Variants in TEX9 observed in about 807,000 individuals in gnomAD.
TEX9 encodes testis expressed 9.
In TEX9, 74 loss-of-function variants were observed where a neutral mutation model predicts 59.6. The observed-to-expected ratio is 1.24, with a 90% CI of 1.03 to 1.51. The LOEUF (loss-of-function observed/expected upper bound fraction) is 1.51, where lower values mean the gene tolerates loss of function less well. Among genes scored for constraint, TEX9 ranks in the 40% most tolerant of loss-of-function variants. The pLI is 0.00. For missense variants in TEX9, 522 were observed against 447.8 expected (o/e 1.17, Z -1.49); for synonymous variants, 186 against 152.2 (o/e 1.22, Z -1.64).
intron 6 of TEX9, among the ~76,000 whole-genome samples, chr15:56,389,704 T>C (rs2048118348): frequency 6.6e-6 from 1 of 151,978 alleles, no homozygotes; most frequent in African/African-American, 2.4e-5. Flanking sequence ...GGTTTTTTTT[T>C]TAATCTCTGC....
At chr15:56,351,391 T>C (rs981246140) in intron 1 of TEX9, among the ~76,000 whole-genome samples, 14 of 152,216 alleles carry the variant, frequency 9.2e-5, no homozygotes, top group African/African-American at 3.1e-4. Context: ...CATCCTCCTT[T>C]AAAGAAGATA....
upstream of TEX9, chr15:56,365,349 G>A (rs1486567738): frequency 2.1e-6 from 3 of 1,455,424 alleles, no homozygotes; most frequent in Non-Finnish European, 2.7e-6. Context: ...CAGAACCTGA[G>A]AGTGGGAAGG....
intron 12 of TEX9, chr15:56,444,467 C>A (rs757852998): frequency 6.2e-7 from 1 of 1,607,458 alleles, no homozygotes; most frequent in Non-Finnish European, 8.5e-7. Flanking sequence ...CATAGATCTT[C>A]CTAACAATTT....
intron 1 of TEX9, among the ~76,000 whole-genome samples, chr15:56,262,396 A>G (rs76175805): frequency 1.3e-5 from 2 of 152,270 alleles, no homozygotes; most frequent in East Asian, 3.9e-4. Flanking sequence ...ATTTCCAGAC[A>G]TTTTCAGATC....
chr15:56,354,487 G>T, intron 1 of TEX9, among the ~76,000 whole-genome samples: 1 of 152,258 alleles, frequency 6.6e-6, no homozygotes, highest in African/African-American at 2.4e-5. Flanking sequence ...AAAGAATGTT[G>T]TGTTAGTTAT....
chr15:56,274,545 T>G (rs1243002739), intron 1 of TEX9: 3 of 152,194 alleles, frequency 2.0e-5, no homozygotes, highest in Non-Finnish European at 4.4e-5. Flanking sequence ...AATGAAATGC[T>G]TCATGAATTT....
chr15:56,394,470 C>T (rs1206734646), intron 8 of TEX9, 191 bp from the exon 9 acceptor site: 4 of 624,300 alleles, frequency 6.4e-6, no homozygotes, highest in Non-Finnish European at 1.1e-5. Context: ...ATTAGTCTTA[C>T]AAATGTAGTG....
chr15:56,341,354 A>G (rs1391185353), intron 1 of TEX9, among the ~76,000 whole-genome samples: 1 of 152,206 alleles, frequency 6.6e-6, no homozygotes, highest in Non-Finnish European at 1.5e-5. Context: ...CATTGCACTC[A>G]ACCACAGTTG....
intron 9 of TEX9, among the ~76,000 whole-genome samples, chr15:56,398,683 C>T (rs2048603800): frequency 1.3e-5 from 2 of 152,158 alleles, no homozygotes. Flanking sequence ...TTTTCCATTT[C>T]TTATCCATTG....
At chr15:56,332,568 A>G (rs1802601784) in intron 1 of TEX9, among the ~76,000 whole-genome samples, 1 of 151,956 alleles carries the variant, frequency 6.6e-6, no homozygotes, top group South Asian at 2.1e-4. Context: ...ATGTATACAT[A>G]TGTAACTAAC....
chr15:56,385,347 T>C (rs1211811570), intron 4 of TEX9, among the ~76,000 whole-genome samples: 1 of 152,132 alleles, frequency 6.6e-6, no homozygotes, highest in Non-Finnish European at 1.5e-5. Context: ...CCTATCAAAA[T>C]TCAACCTTGA....
At chr15:56,284,606 A>G (rs2141471662) in intron 1 of TEX9, among the ~76,000 whole-genome samples, 1 of 152,302 alleles carries the variant, frequency 6.6e-6, no homozygotes, top group South Asian at 2.1e-4. Context: ...ATTGTTGACT[A>G]GTCTTGCAGA....
chr15:56,386,059 A>G (rs146140865), intron 4 of TEX9, among the ~76,000 whole-genome samples: 68 of 152,260 alleles, frequency 4.5e-4, no homozygotes, highest in African/African-American at 1.5e-3. Context: ...ATATTTATCA[A>G]TTGGTGGCTG....
chr15:56,379,071 C>CAAAAA (rs199787439), intron 3 of TEX9, among the ~76,000 whole-genome samples: 4 of 50,200 alleles, frequency 8.0e-5, no homozygotes, highest in African/African-American at 1.0e-4. Flanking sequence ...CTCAAAGAAA[C>CAAAAA]AAAAAAAAAA....
intron 1 of TEX9, among the ~76,000 whole-genome samples, chr15:56,284,915 T>C (rs916056735): frequency 6.6e-6 from 1 of 152,220 alleles, no homozygotes; most frequent in Non-Finnish European, 1.5e-5. Context: ...CTCTATATGA[T>C]TTTAATCATG....
intron 1 of TEX9, among the ~76,000 whole-genome samples, chr15:56,256,208 G>C (rs751213995): frequency 2.6e-5 from 4 of 151,978 alleles, no homozygotes; most frequent in Non-Finnish European, 5.9e-5. Flanking sequence ...GTAATCTTGG[G>C]AAGTTGATTC....
At chr15:56,318,047 T>G (rs1166319514) in intron 1 of TEX9, among the ~76,000 whole-genome samples, 2 of 152,168 alleles carry the variant, frequency 1.3e-5, no homozygotes, top group Non-Finnish European at 2.9e-5. Flanking sequence ...TTATAGTCTA[T>G]TGGTTCTATC....
intron 9 of TEX9, among the ~76,000 whole-genome samples, chr15:56,398,734 G>T (rs1359762066): frequency 6.6e-6 from 1 of 152,190 alleles, no homozygotes; most frequent in African/African-American, 2.4e-5. Context: ...GCCAAAGGGT[G>T]ACATTGATTA....
intron 12 of TEX9, chr15:56,444,558 A>G: frequency 1.2e-6 from 2 of 1,612,598 alleles, no homozygotes; most frequent in Non-Finnish European, 1.7e-6. Flanking sequence ...TTGTTTCTCT[A>G]AGTCAAGATA....
Sources: gnomAD v4.1 joint callset for allele counts (sites outside exome capture counted in the v4.1 genomes callset) on GRCh38, gnomAD v4.1.1 for gene constraint, MANE v1.5 for transcripts, NCBI Gene and HGNC (gene_info 2026-07-23, HGNC 2026-07-21) for gene names.